Variants in QKI observed in about 807,000 individuals in gnomAD.
QKI encodes the protein QKI, KH domain containing RNA binding.
A neutral mutation model predicts 39.0 loss-of-function variants in QKI; 10 were observed. The observed-to-expected ratio is 0.26, with a 90% CI of 0.16 to 0.43. The LOEUF is 0.43. Among genes scored for constraint, QKI ranks in the 20% least tolerant of loss-of-function variants. The pLI is 1.00. For missense variants in QKI, 218 were observed against 428.0 expected, an observed-to-expected ratio of 0.51 and a Z score of 4.33; for synonymous variants, 204 against 155.4, an observed-to-expected ratio of 1.31 and a Z score of -2.33.
At chr6:163,441,476 T>A (rs1029832860) in intron 1 of QKI, among the ~76,000 whole-genome samples, 1 of 152,204 alleles carries the variant, frequency 6.6e-6, no homozygotes, top group African/African-American at 2.4e-5. Context: ...AGGATGTAGA[T>A]GTTACAAATA....
chr6:163,431,617 A>G (rs558661869), intron 1 of QKI, among the ~76,000 whole-genome samples: 70 of 152,224 alleles, frequency 4.6e-4, no homozygotes, highest in Non-Finnish European at 8.7e-4. Context: ...CAATTTTGTG[A>G]GATCTGTCAG....
intron 3 of QKI, among the ~76,000 whole-genome samples, chr6:163,484,237 C>G (rs1233326046): frequency 1.3e-5 from 2 of 150,370 alleles, no homozygotes; most frequent in African/African-American, 4.9e-5. Flanking sequence ...GAGTCTCACT[C>G]TACCGCCCAG....
Position 163,535,581 on chromosome 6 carries a change from A to AT in QKI, c.546+465dup, listed in dbSNP as rs546602524. On this transcript the variant is annotated intron_variant, in intron 4 of 7. Coordinates refer to ENST00000361752, the MANE Select transcript of QKI (RefSeq NM_006775.3). ...AAATTACTGGTTTTCTGGGCCATTA[A>AT]TTTTTTTTTCTTATATTAGTAAAAC... 3.3e-3 allele frequency among the ~76,000 whole-genome samples: 503 copies of AT among 150,686 alleles called. 4 individuals carry two copies. The highest frequency in any genetic ancestry group is 0.012 in the African/African-American group (474 of 41,030).
intron 4 of QKI, among the ~76,000 whole-genome samples, chr6:163,540,834 G>A (rs1562526155): frequency 6.6e-6 from 1 of 151,956 alleles, no homozygotes; most frequent in Non-Finnish European, 1.5e-5. Context: ...CAAGTTATAT[G>A]TAGGTTTTTA....
chr6:163,507,542 A>C (rs1245609430), intron 3 of QKI, among the ~76,000 whole-genome samples: 4 of 152,198 alleles, frequency 2.6e-5, no homozygotes, highest in Non-Finnish European at 5.9e-5. Context: ...ATCTCTGCTG[A>C]TGGAGAAAGA....
intron 1 of QKI, among the ~76,000 whole-genome samples, chr6:163,451,625 A>G (rs1039929059): frequency 6.6e-6 from 1 of 152,194 alleles, no homozygotes; most frequent in Non-Finnish European, 1.5e-5. Flanking sequence ...TAGAAAATAC[A>G]TGCCTGGGGT....
intron 2 of QKI, among the ~76,000 whole-genome samples, chr6:163,468,150 C>A (rs932083143): frequency 2.0e-5 from 3 of 151,708 alleles, no homozygotes; most frequent in Non-Finnish European, 2.9e-5. Flanking sequence ...TATACATATA[C>A]GCTTCTGTGA....
chr6:163,436,839 TTTC>T (rs1327650547), intron 1 of QKI, among the ~76,000 whole-genome samples: 1 of 151,970 alleles, frequency 6.6e-6, no homozygotes, highest in East Asian at 1.9e-4. Context: ...AAGTATTCCT[TTTC>T]TTGCTAAAGC....
chr6:163,418,489 T>G (rs1787723273), intron 1 of QKI, among the ~76,000 whole-genome samples: 1 of 152,102 alleles, frequency 6.6e-6, no homozygotes, highest in African/African-American at 2.4e-5. Flanking sequence ...TTTTGTTTTG[T>G]TTTTTGCTGT....
intron 1 of QKI, among the ~76,000 whole-genome samples, chr6:163,434,074 CTT>C (rs35944011): frequency 2.0e-5 from 3 of 149,550 alleles, no homozygotes; most frequent in Admixed American, 1.3e-4. Context: ...TTTCAACAAA[CTT>C]TTTTTTTTAA....
chr6:163,555,542 G>T (rs1371698770), intron 4 of QKI, among the ~76,000 whole-genome samples: 1 of 145,408 alleles, frequency 6.9e-6, no homozygotes, highest in Non-Finnish European at 1.5e-5. Context: ...CCTGCACTCT[G>T]AGAGAAAACG....
intron 3 of QKI, among the ~76,000 whole-genome samples, chr6:163,509,410 A>G (rs1562498371): frequency 6.6e-6 from 1 of 152,130 alleles, no homozygotes; most frequent in Non-Finnish European, 1.5e-5. Context: ...CATAAAGAGG[A>G]AAATAACCAT....
At chr6:163,444,907 A>AATT (rs994349637) in intron 1 of QKI, among the ~76,000 whole-genome samples, 57 of 151,696 alleles carry the variant, frequency 3.8e-4, no homozygotes, top group African/African-American at 1.2e-3. Flanking sequence ...AACACTTTTT[A>AATT]ATTATTATTA....
chr6:163,457,992 G>A (rs997117797), intron 2 of QKI, among the ~76,000 whole-genome samples: 4 of 152,162 alleles, frequency 2.6e-5, no homozygotes, highest in Admixed American at 2.6e-4. Flanking sequence ...AGGAAGGCAT[G>A]AAAACCATCT....
chr6:163,531,242 C>T (rs948281070), intron 3 of QKI, among the ~76,000 whole-genome samples: 1 of 152,178 alleles, frequency 6.6e-6, no homozygotes, highest in Non-Finnish European at 1.5e-5. Context: ...AGATGTGGGC[C>T]TGGGTTCCCT....
chr6:163,443,893 T>G (rs1326814951), intron 1 of QKI, among the ~76,000 whole-genome samples: 3 of 152,198 alleles, frequency 2.0e-5, no homozygotes, highest in African/African-American at 7.2e-5. Flanking sequence ...TCAGAATTTT[T>G]GGGGCATCGG....
At chr6:163,548,631 G>A (rs1338970200) in intron 4 of QKI, among the ~76,000 whole-genome samples, 1 of 152,160 alleles carries the variant, frequency 6.6e-6, no homozygotes, top group Non-Finnish European at 1.5e-5. Flanking sequence ...CTGAAAGAAG[G>A]TATGTGTGAC....
chr6:163,545,785 A>G (rs1252493363), intron 4 of QKI, among the ~76,000 whole-genome samples: 1 of 151,972 alleles, frequency 6.6e-6, no homozygotes, highest in Non-Finnish European at 1.5e-5. Context: ...AGGCGTTGCA[A>G]ATGTAAAAAA....
At chr6:163,472,287 G>A (rs1263631764) in intron 2 of QKI, among the ~76,000 whole-genome samples, 1 of 152,206 alleles carries the variant, frequency 6.6e-6, no homozygotes, top group Admixed American at 6.5e-5. Context: ...TATTCATTAA[G>A]TGGAAGTAGA....
Sources: allele counts gnomAD v4.1 joint callset (sites outside exome capture counted in the v4.1 genomes callset), GRCh38; gene constraint gnomAD v4.1.1; transcripts MANE v1.5; gene names NCBI Gene and HGNC (gene_info 2026-07-23, HGNC 2026-07-21).